TRDN: variants seen among roughly 807,000 people sequenced by gnomAD.
TRDN encodes triadin in skeletal muscle.
Under a neutral mutation model 149.7 loss-of-function variants are expected in TRDN, and 161 were observed. The observed-to-expected ratio is 1.08, with a 90% CI of 0.95 to 1.23. TRDN has a LOEUF of 1.23. Ranked by LOEUF, TRDN falls within the 50% of genes most tolerant of loss-of-function variation. The probability of loss-of-function intolerance (pLI) is 0.00; values close to 1 mark genes in which losing one functional copy is unlikely to be tolerated. For synonymous variants in TRDN, 294 were observed against 250.5 expected, an observed-to-expected ratio of 1.17 and a Z score of -1.64; for missense variants, 896 against 823.5, an observed-to-expected ratio of 1.09 and a Z score of -1.08.
intron 9 of TRDN, among the ~76,000 whole-genome samples, chr6:123,486,257 T>G (rs1037992709): frequency 1.3e-5 from 2 of 151,818 alleles, no homozygotes; most frequent in African/African-American, 4.8e-5. Context: ...TAACTTCTTT[T>G]TTTTTTTTTA....
Position 123,393,793 on chromosome 6 carries a change from C to T in TRDN, c.1052-116G>A, listed in dbSNP as rs143901107. The T allele has an allele frequency of 6.8e-4, 662 of 979,384 alleles. 4 individuals are homozygous for T. In the African/African-American group the frequency reaches 9.0e-3, roughly 13 times the overall value. The allele number at this position is 979,384 out of a possible 1,614,324, so 60.7% of individuals were successfully genotyped here. On this transcript the variant is annotated intron_variant, in intron 12 of 40. Coordinates refer to ENST00000334268, the MANE Select transcript of TRDN (RefSeq NM_006073.4). ...AGCATAAAAAGTGTTGCTTTTGACA[C>T]GAAGAATTTTTGTTAAGACATAAAC... is the stretch of plus-strand genomic sequence containing the variant.
chr6:123,518,534 G>C (rs74413166), intron 5 of TRDN, among the ~76,000 whole-genome samples: 110 of 152,234 alleles, frequency 7.2e-4, no homozygotes, highest in African/African-American at 2.6e-3. Flanking sequence ...ACCCACCTTG[G>C]ACAGCTGGTT....
At chr6:123,443,146 T>C (rs951985585) in intron 10 of TRDN, among the ~76,000 whole-genome samples, 1 of 151,774 alleles carries the variant, frequency 6.6e-6, no homozygotes, top group Admixed American at 6.6e-5. Flanking sequence ...CTGGTTTTGA[T>C]ATGGCTTAAA....
At chr6:123,486,573 A>T (rs751423230) in intron 9 of TRDN, among the ~76,000 whole-genome samples, 1 of 151,970 alleles carries the variant, frequency 6.6e-6, no homozygotes, top group African/African-American at 2.4e-5. Context: ...CAAATAGAGC[A>T]TTTTATTTTT....
At chr6:123,314,869 G>T (rs1778966980) in intron 24 of TRDN, among the ~76,000 whole-genome samples, 1 of 151,800 alleles carries the variant, frequency 6.6e-6, no homozygotes. Flanking sequence ...GGAGGGAGAT[G>T]ATCAGAAAAA....
chr6:123,283,974 C>T (rs371162051), intron 24 of TRDN, among the ~76,000 whole-genome samples: 3 of 38,104 alleles, frequency 7.9e-5, no homozygotes, highest in East Asian at 2.2e-3. Context: ...GTGCAGCACA[C>T]CAACATGGCA....
At chr6:123,635,333 C>CAT (rs1786252118) in intron 1 of TRDN, among the ~76,000 whole-genome samples, 1 of 151,498 alleles carries the variant, frequency 6.6e-6, no homozygotes, top group Non-Finnish European at 1.5e-5. Flanking sequence ...AACACACACA[C>CAT]ACACACACAC....
In TRDN at chr6:123,216,660, T is replaced by C. The variant is rs906156714; in HGVS notation, c.*1941A>G. ...TAAAATATTTTATTTGTCTCCATGG[T>C]ATTTCTATGAGATATTAGACTGTTT... is the stretch of plus-strand genomic sequence containing the variant. On this transcript the variant is annotated 3_prime_UTR_variant, in exon 41 of 41. Transcript: ENST00000334268. The C allele has an allele frequency of 6.6e-6, 1 of 151,930 alleles. No homozygotes were observed. Among genetic ancestry groups the C allele is most frequent in the Non-Finnish European group, 1.5e-5 (1 of 67,940 alleles). 9.4% of individuals were successfully genotyped at this position (151,930 alleles called of 1,614,324 possible).
chr6:123,260,665 TAGAA>T (rs774303723), intron 33 of TRDN, 27 bp from the exon 34 acceptor site: 12 of 1,326,204 alleles, frequency 9.0e-6, no homozygotes, highest in South Asian at 5.9e-5. Context: ...AAAAAGAATG[TAGAA>T]AGAAAGGAAA....
intron 23 of TRDN, among the ~76,000 whole-genome samples, chr6:123,322,526 T>C (rs970340166): frequency 6.6e-6 from 1 of 151,838 alleles, no homozygotes; most frequent in African/African-American, 2.4e-5. Context: ...CAGATCTCCA[T>C]TGATTAGATG....
intron 9 of TRDN, among the ~76,000 whole-genome samples, chr6:123,474,796 G>C (rs1777376058): frequency 6.6e-6 from 1 of 151,838 alleles, no homozygotes; most frequent in African/African-American, 2.4e-5. Flanking sequence ...CAACTACATG[G>C]AAACTGAACA....
intron 10 of TRDN, among the ~76,000 whole-genome samples, chr6:123,442,763 T>G: frequency 6.6e-6 from 1 of 152,154 alleles, no homozygotes; most frequent in Non-Finnish European, 1.5e-5. Flanking sequence ...TTTGAGTAAA[T>G]GCAACTTTAT....
intron 22 of TRDN, 50 bp downstream of exon 22, chr6:123,337,569 T>A (rs1192233804): frequency 1.1e-6 from 1 of 943,492 alleles, no homozygotes; most frequent in Non-Finnish European, 1.5e-6. Flanking sequence ...TTCTCAATAA[T>A]ATATATTTCC....
intron 1 of TRDN, among the ~76,000 whole-genome samples, chr6:123,616,886 C>T (rs1483983871): frequency 2.6e-5 from 4 of 152,064 alleles, no homozygotes; most frequent in Non-Finnish European, 5.9e-5. Context: ...GATGTTTAAG[C>T]ACAAAGATTG....
chr6:123,349,587 T>C (rs1780379829), intron 21 of TRDN: 1 of 888,284 alleles, frequency 1.1e-6, no homozygotes, highest in Non-Finnish European at 1.3e-6. Context: ...AATACAATTG[T>C]GTTAACTAAA....
intron 1 of TRDN, among the ~76,000 whole-genome samples, chr6:123,621,039 G>T (rs1016939567): frequency 1.3e-5 from 2 of 151,934 alleles, no homozygotes; most frequent in African/African-American, 4.8e-5. Flanking sequence ...GACCTTTTTT[G>T]TCCACTGCTA....
At chr6:123,272,016 C>G (rs898523416) in intron 29 of TRDN, among the ~76,000 whole-genome samples, 4 of 151,880 alleles carry the variant, frequency 2.6e-5, no homozygotes, top group African/African-American at 9.6e-5. Flanking sequence ...TAAGGTTCTG[C>G]TTTTGTCAAT....
At chr6:123,568,762 G>A (rs1053463485) in intron 2 of TRDN, among the ~76,000 whole-genome samples, 3 of 152,202 alleles carry the variant, frequency 2.0e-5, no homozygotes, top group African/African-American at 4.8e-5. Context: ...CCTGACCCAG[G>A]AAACCCTTCT....
At chr6:123,619,095 A>G (rs1040980451) in intron 1 of TRDN, among the ~76,000 whole-genome samples, 1 of 152,208 alleles carries the variant, frequency 6.6e-6, no homozygotes, top group African/African-American at 2.4e-5. Flanking sequence ...ATGTAGTATT[A>G]TGAACTTAGT....
Sources: gnomAD v4.1 joint callset for allele counts (sites outside exome capture counted in the v4.1 genomes callset) on GRCh38, gnomAD v4.1.1 for gene constraint, MANE v1.5 for transcripts, NCBI Gene and HGNC (gene_info 2026-07-23, HGNC 2026-07-21) for gene names.